The following XYLT1 variants were observed in gnomAD, a reference collection of about 807,000 sequenced individuals.
XYLT1 encodes xylosyltransferase 1.
A neutral mutation model predicts 91.3 loss-of-function variants in XYLT1; 36 were observed. The ratio of observed to expected loss-of-function variants is 0.39; its 90% CI spans 0.30 to 0.52. The LOEUF (loss-of-function observed/expected upper bound fraction) is 0.52. XYLT1 is among the 20% of genes least tolerant of loss of function. The probability of loss-of-function intolerance (pLI) is 0.68; values close to 1 mark genes in which losing one functional copy is unlikely to be tolerated. For synonymous variants in XYLT1, 588 were observed against 532.0 expected (o/e 1.11, Z -1.45); for missense variants, 1,242 against 1,284.5 (o/e 0.97, Z 0.51).
chr16:17,257,839 C>A (rs1433490500), intron 3 of XYLT1, among the ~76,000 whole-genome samples: 1 of 152,188 alleles, frequency 6.6e-6, no homozygotes. Flanking sequence ...CTGCACAGAG[C>A]CTGGTGCGGT....
intron 3 of XYLT1, among the ~76,000 whole-genome samples, chr16:17,242,495 A>G (rs1050097171): frequency 1.2e-4 from 18 of 152,202 alleles, no homozygotes; most frequent in African/African-American, 4.3e-4. Context: ...GGAACAAATC[A>G]TCTAGCCTCA....
chr16:17,136,796 C>T (rs961805484), intron 8 of XYLT1, among the ~76,000 whole-genome samples: 8 of 152,074 alleles, frequency 5.3e-5, no homozygotes, highest in African/African-American at 1.9e-4. Flanking sequence ...TTAATCTCTG[C>T]TTGCTGTGAA....
At chr16:17,291,051 C>T (rs7193874) in intron 2 of XYLT1, among the ~76,000 whole-genome samples, 102,646 of 152,222 alleles carry the variant, frequency 0.67, 36,643 homozygotes, top group African/African-American at 0.91. Flanking sequence ...CCTCCCACTT[C>T]AGCCTTCTGA....
In XYLT1 at chr16:17,470,527, T is replaced by G. The variant is rs1379674875; in HGVS notation, c.270A>C (p.Gly90=). 2.5e-6 allele frequency: 3 copies of G among 1,219,060 alleles called. No individual in the cohort carries two copies. Among genetic ancestry groups the G allele is most frequent in the Non-Finnish European group, 3.1e-6 (3 of 980,760 alleles). The allele number at this position is 1,219,060 out of a possible 1,614,324, so 75.5% of individuals were successfully genotyped here. A position where few individuals can be genotyped will look rare whatever the true frequency, so the allele number is the denominator to read the frequency against. Residue 90 remains glycine (G), a synonymous_variant, in exon 1 of 12, where the codon GGA becomes GGC. Transcript: ENST00000261381. The stretch of plus-strand genomic sequence containing the variant: ...CCCGCGCCCGCGCCTGGGGCCCCCG[T>G]CCTCCTCCTCCTCCGCCGCCGCCTC... The part of the protein sequence containing the change: ...GGGGGGGGGG[G]RGPQARARGG...
chr16:17,239,561 C>G (rs1370576177), intron 3 of XYLT1, among the ~76,000 whole-genome samples: 1 of 144,366 alleles, frequency 6.9e-6, no homozygotes, highest in Admixed American at 7.0e-5. Context: ...ACTCATCCAC[C>G]CAGTCCATCC....
intron 2 of XYLT1, among the ~76,000 whole-genome samples, chr16:17,348,814 G>T (rs955913556): frequency 6.6e-6 from 1 of 152,138 alleles, no homozygotes; most frequent in Non-Finnish European, 1.5e-5. Flanking sequence ...TTCTAGCATC[G>T]AAACCTTCTC....
chr16:17,351,482 C>T (rs940259045), intron 2 of XYLT1, among the ~76,000 whole-genome samples: 19 of 152,050 alleles, frequency 1.2e-4, no homozygotes, highest in African/African-American at 3.9e-4. Flanking sequence ...CATTGCATTC[C>T]AGCCTGGGTG....
chr16:17,243,510 C>T (rs79036418), intron 3 of XYLT1, among the ~76,000 whole-genome samples: 10 of 152,306 alleles, frequency 6.6e-5, no homozygotes, highest in Admixed American at 1.3e-4. Context: ...AGGCACAGAT[C>T]GGGATTGTCC....
At chr16:17,447,253 G>A (rs1196205196) in intron 1 of XYLT1, among the ~76,000 whole-genome samples, 2 of 152,160 alleles carry the variant, frequency 1.3e-5, no homozygotes, top group African/African-American at 2.4e-5. Context: ...ACACAGGACA[G>A]AGAGACAGAT....
At chr16:17,452,879 A>G (rs1222255498) in intron 1 of XYLT1, among the ~76,000 whole-genome samples, 3 of 152,092 alleles carry the variant, frequency 2.0e-5, no homozygotes, top group African/African-American at 4.8e-5. Context: ...ACACACATAC[A>G]CACACACACC....
intron 3 of XYLT1, among the ~76,000 whole-genome samples, chr16:17,243,772 C>T (rs1024027874): frequency 2.0e-5 from 3 of 152,000 alleles, no homozygotes; most frequent in Non-Finnish European, 2.9e-5. Context: ...GTCTTCAGGA[C>T]GCAAAGGGTC....
At chr16:17,339,215 G>A (rs551742234) in intron 2 of XYLT1, among the ~76,000 whole-genome samples, 1 of 152,258 alleles carries the variant, frequency 6.6e-6, no homozygotes, top group Non-Finnish European at 1.5e-5. Flanking sequence ...AATTCTGGGG[G>A]TCTTCGAACT....
chr16:17,198,023 G>T, intron 5 of XYLT1, 189 bp downstream of exon 5: 1 of 661,892 alleles, frequency 1.5e-6, no homozygotes, highest in Non-Finnish European at 2.6e-6. Context: ...CACGTGCTCA[G>T]TCTCTATCTG....
At chr16:17,139,653 T>C (rs2030901875) in intron 7 of XYLT1, among the ~76,000 whole-genome samples, 1 of 152,180 alleles carries the variant, frequency 6.6e-6, no homozygotes, top group African/African-American at 2.4e-5. Flanking sequence ...CAGGGAGGCA[T>C]ACATTCTCCA....
chr16:17,326,110 A>C (rs114076658), intron 2 of XYLT1, among the ~76,000 whole-genome samples: 112 of 152,358 alleles, frequency 7.4e-4, no homozygotes, highest in African/African-American at 2.6e-3. Context: ...CAATCAAGGT[A>C]ACAGACATAT....
intron 2 of XYLT1, among the ~76,000 whole-genome samples, chr16:17,347,527 C>A (rs2035159948): frequency 1.3e-5 from 2 of 152,166 alleles, no homozygotes; most frequent in African/African-American, 4.8e-5. Context: ...ACAGTTTTCA[C>A]AAATAGAATG....
intron 1 of XYLT1, among the ~76,000 whole-genome samples, chr16:17,450,325 G>A (rs570619026): frequency 8.6e-5 from 13 of 151,704 alleles, no homozygotes; most frequent in Admixed American, 1.3e-4. Context: ...GCAACAGAGC[G>A]AGACTCCGTC....
At chr16:17,205,889 G>A (rs562280063) in intron 3 of XYLT1, among the ~76,000 whole-genome samples, 2 of 152,228 alleles carry the variant, frequency 1.3e-5, no homozygotes, top group South Asian at 2.1e-4. Context: ...CTGCTGCAAG[G>A]GGCACTTTCT....
At chr16:17,238,535 G>A (rs763036435) in intron 3 of XYLT1, among the ~76,000 whole-genome samples, 104 of 152,324 alleles carry the variant, frequency 6.8e-4, no homozygotes, top group Non-Finnish European at 1.4e-3. Context: ...ACTGGCAGCT[G>A]TCTTTGGACC....
Sources: allele counts gnomAD v4.1 joint callset (sites outside exome capture counted in the v4.1 genomes callset), GRCh38; gene constraint gnomAD v4.1.1; transcripts MANE v1.5; gene names NCBI Gene and HGNC (gene_info 2026-07-23, HGNC 2026-07-21).